The following PGCKA1 variants were observed in gnomAD, a reference collection of about 807,000 sequenced individuals.
PGCKA1 encodes the protein PDCD10 and GCKIII kinases associated 1, also known as PDCD10 and GCKIII kinases-associated protein 1.
the PGCKA1 span, among the ~76,000 whole-genome samples, chr4:37,464,157 TG>T: frequency 6.6e-6 from 1 of 152,124 alleles, no homozygotes; most frequent in Non-Finnish European, 1.5e-5. Flanking sequence ...AAACTGGGTG[TG>T]GGGGTTGTAT....
the PGCKA1 span, among the ~76,000 whole-genome samples, chr4:37,562,087 G>A: frequency 3.8e-4 from 58 of 152,320 alleles, 2 homozygotes; most frequent in East Asian, 0.011. Context: ...CCCATTTACA[G>A]TATGGCACAG....
At chr4:37,506,762 C>T in the PGCKA1 span, among the ~76,000 whole-genome samples, 1 of 152,008 alleles carries the variant, frequency 6.6e-6, no homozygotes, top group Non-Finnish European at 1.5e-5. Context: ...TGCAGCCATT[C>T]AGTGACATGT....
At chr4:37,460,365 G>T in the PGCKA1 span, 1 of 270,562 alleles carries the variant, frequency 3.7e-6, no homozygotes, top group African/African-American at 2.3e-5. Context: ...TAATGAGATT[G>T]CTGGGTTGAA....
At chr4:37,493,582 G>A in the PGCKA1 span, among the ~76,000 whole-genome samples, 2 of 152,112 alleles carry the variant, frequency 1.3e-5, no homozygotes, top group African/African-American at 4.8e-5. Context: ...TTATAAAATG[G>A]CTTAGGAACT....
chr4:37,581,979 G>A, the PGCKA1 span, among the ~76,000 whole-genome samples: 15,119 of 152,138 alleles, frequency 0.099, 2,446 homozygotes, highest in African/African-American at 0.33. This position sits in a 1 kb window ranked among gnomAD's most constrained non-coding sequence, Gnocchi z 4.4. Flanking sequence ...TCTGTGTGTG[G>A]GTAGGCTGGG....
At chr4:37,459,078 C>T in the PGCKA1 span, among the ~76,000 whole-genome samples, 2 of 152,084 alleles carry the variant, frequency 1.3e-5, no homozygotes, top group East Asian at 1.9e-4. Flanking sequence ...AGCTCTGCCT[C>T]CCTACATAAT....
chr4:37,519,514 G>A, the PGCKA1 span, among the ~76,000 whole-genome samples: 2 of 151,964 alleles, frequency 1.3e-5, no homozygotes, highest in African/African-American at 4.8e-5. Flanking sequence ...GTATTTACTT[G>A]TTTTTGTAGT....
At chr4:37,480,798 T>G in the PGCKA1 span, among the ~76,000 whole-genome samples, 51 of 152,364 alleles carry the variant, frequency 3.3e-4, no homozygotes, top group African/African-American at 1.1e-3. Context: ...TTGGAATGTT[T>G]CTGGTTGGAA....
At chr4:37,563,131 C>T in the PGCKA1 span, among the ~76,000 whole-genome samples, 1,849 of 151,414 alleles carry the variant, frequency 0.012, 23 homozygotes, top group African/African-American at 0.042. Flanking sequence ...TCCGGAAAAA[C>T]ATTTATAAAA....
chr4:37,534,055 CT>C, the PGCKA1 span, among the ~76,000 whole-genome samples: 4 of 151,972 alleles, frequency 2.6e-5, no homozygotes, highest in African/African-American at 4.8e-5. Context: ...AAAAGCAATG[CT>C]TTTTTTTCTG....
At chr4:37,490,921 A>G in the PGCKA1 span, among the ~76,000 whole-genome samples, 3 of 152,234 alleles carry the variant, frequency 2.0e-5, no homozygotes, top group Admixed American at 6.5e-5. Context: ...TCTATTTATC[A>G]AAAGGGAAAG....
At chr4:37,453,399 C>T in the PGCKA1 span, among the ~76,000 whole-genome samples, 1 of 152,200 alleles carries the variant, frequency 6.6e-6, no homozygotes, top group African/African-American at 2.4e-5. Context: ...TGTGCAACTT[C>T]CCTGGTTTTT....
chr4:37,557,267 TG>T, the PGCKA1 span, among the ~76,000 whole-genome samples: 16 of 152,270 alleles, frequency 1.1e-4, no homozygotes, highest in Non-Finnish European at 2.4e-4. Flanking sequence ...GTTGTTGTTT[TG>T]TTTTTTTGTG....
At chr4:37,459,141 C>A in the PGCKA1 span, among the ~76,000 whole-genome samples, 1 of 151,226 alleles carries the variant, frequency 6.6e-6, no homozygotes, top group Non-Finnish European at 1.5e-5. Context: ...CAGAGTTTTG[C>A]GTGAAAAAAA....
chr4:37,591,980 G>A, the PGCKA1 span, among the ~76,000 whole-genome samples: 6 of 151,870 alleles, frequency 4.0e-5, no homozygotes, highest in Admixed American at 6.6e-5. Context: ...AGGCCGAGGC[G>A]GGTGGATCAC....
At chr4:37,459,291 G>C in the PGCKA1 span, among the ~76,000 whole-genome samples, 1 of 152,154 alleles carries the variant, frequency 6.6e-6, no homozygotes, top group Admixed American at 6.5e-5. Flanking sequence ...AAAATTCCAA[G>C]TAAAGAGAAG....
At chr4:37,465,967 T>C in the PGCKA1 span, among the ~76,000 whole-genome samples, 1 of 152,148 alleles carries the variant, frequency 6.6e-6, no homozygotes, top group Non-Finnish European at 1.5e-5. Flanking sequence ...AACCGGCCAC[T>C]GAATGAGCCA....
At chr4:37,558,581 G>T in the PGCKA1 span, among the ~76,000 whole-genome samples, 1 of 151,874 alleles carries the variant, frequency 6.6e-6, no homozygotes, top group African/African-American at 2.4e-5. Flanking sequence ...AACAAAAGAT[G>T]AAATTGACAA....
At chr4:37,493,385 T>C in the PGCKA1 span, among the ~76,000 whole-genome samples, 1 of 152,190 alleles carries the variant, frequency 6.6e-6, no homozygotes, top group Non-Finnish European at 1.5e-5. Context: ...TTTTCTTAAT[T>C]CCCACTTCAT....
Sources: gnomAD v4.1 joint callset for allele counts (sites outside exome capture counted in the v4.1 genomes callset) on GRCh38, gnomAD v4.1.1 for gene constraint, Gnocchi (gnomAD v3.1) non-coding constraint, MANE v1.5 for transcripts, NCBI Gene and HGNC (gene_info 2026-07-23, HGNC 2026-07-21) for gene names.